CDC42BPA: variants seen among roughly 807,000 people sequenced by gnomAD.
The protein encoded by CDC42BPA is CDC42 binding protein kinase alpha, also known as serine/threonine-protein kinase MRCK alpha.
CDC42BPA carries 80 observed loss-of-function variants against 223.5 expected under a neutral mutation model. The ratio of observed to expected loss-of-function variants is 0.36; its 90% CI spans 0.30 to 0.43. The LOEUF is 0.43. CDC42BPA is among the 20% of genes least tolerant of loss of function. The pLI is 1.00. For missense variants in CDC42BPA, 1,743 were observed against 2,099.9 expected, an observed-to-expected ratio of 0.83 and a Z score of 3.32; for synonymous variants, 694 against 718.6, an observed-to-expected ratio of 0.97 and a Z score of 0.55.
intron 12 of CDC42BPA, among the ~76,000 whole-genome samples, chr1:227,119,074 T>C (rs970167476): frequency 2.0e-5 from 3 of 152,136 alleles, no homozygotes; most frequent in Non-Finnish European, 2.9e-5. Context: ...GTGCATTATA[T>C]TAATATATTA....
chr1:227,088,344 T>C (rs1682383326), intron 16 of CDC42BPA, among the ~76,000 whole-genome samples: 1 of 152,194 alleles, frequency 6.6e-6, no homozygotes, highest in Admixed American at 6.5e-5. Flanking sequence ...AAATGAGGTT[T>C]TACTATTTGT....
chr1:227,288,136 T>A (rs775565653), intron 1 of CDC42BPA, among the ~76,000 whole-genome samples: 13 of 152,164 alleles, frequency 8.5e-5, no homozygotes, highest in Non-Finnish European at 1.8e-4. Flanking sequence ...ATGGGGATGG[T>A]CTGTGGGATC....
chr1:227,092,515 T>C (rs563134936), intron 15 of CDC42BPA, among the ~76,000 whole-genome samples: 7 of 152,178 alleles, frequency 4.6e-5, no homozygotes, highest in Non-Finnish European at 1.0e-4. Flanking sequence ...GCAAATTAGT[T>C]TGAGACCAAA....
intron 11 of CDC42BPA, among the ~76,000 whole-genome samples, chr1:227,124,241 G>C (rs1190616615): frequency 6.6e-6 from 1 of 151,984 alleles, no homozygotes; most frequent in Admixed American, 6.6e-5. Flanking sequence ...TAAAACTGTC[G>C]CATTTTTTTC....
At chr1:227,283,767 A>T (rs1227126000) in intron 1 of CDC42BPA, among the ~76,000 whole-genome samples, 1 of 152,154 alleles carries the variant, frequency 6.6e-6, no homozygotes, top group Non-Finnish European at 1.5e-5. Context: ...TTGCATCTAA[A>T]TTTTTTGTTA....
At chr1:227,133,869 T>G (rs1218931879) in intron 10 of CDC42BPA, among the ~76,000 whole-genome samples, 1 of 151,990 alleles carries the variant, frequency 6.6e-6, no homozygotes, top group Admixed American at 6.6e-5. Context: ...CAGAGACCTT[T>G]GTTCACTTGT....
intron 1 of CDC42BPA, among the ~76,000 whole-genome samples, chr1:227,312,894 G>A (rs551944345): frequency 4.6e-5 from 7 of 152,204 alleles, no homozygotes; most frequent in South Asian, 2.1e-4. Context: ...CATGCAGGAC[G>A]GGGTCGGCTT....
At chr1:227,036,778 C>G (rs1558342713) in intron 24 of CDC42BPA, among the ~76,000 whole-genome samples, 1 of 152,114 alleles carries the variant, frequency 6.6e-6, no homozygotes, top group Non-Finnish European at 1.5e-5. Context: ...ATTTGTTTTA[C>G]TTACAAGCAA....
intron 1 of CDC42BPA, among the ~76,000 whole-genome samples, chr1:227,276,351 G>A (rs528728377): frequency 6.7e-5 from 10 of 149,480 alleles, no homozygotes; most frequent in African/African-American, 1.5e-4. Flanking sequence ...CTGCCCGGCC[G>A]CCCCGTCTGA....
chr1:227,306,500 C>T (rs929758528), intron 1 of CDC42BPA, among the ~76,000 whole-genome samples: 2 of 152,170 alleles, frequency 1.3e-5, no homozygotes, highest in Non-Finnish European at 2.9e-5. Context: ...AAACTGTCAA[C>T]TTAGCATGTA....
chr1:227,005,437 T>G (rs571813370), intron 34 of CDC42BPA, among the ~76,000 whole-genome samples: 1 of 152,338 alleles, frequency 6.6e-6, no homozygotes, highest in African/African-American at 2.4e-5. Flanking sequence ...ACATGGACAT[T>G]TGCCGATAAC....
intron 10 of CDC42BPA, among the ~76,000 whole-genome samples, chr1:227,132,886 T>A (rs1657518536): frequency 1.4e-5 from 2 of 146,922 alleles, no homozygotes; most frequent in South Asian, 4.4e-4. Flanking sequence ...GAGGAGACCC[T>A]CTGCCTGGCA....
intron 35 of CDC42BPA, among the ~76,000 whole-genome samples, chr1:226,997,336 ATTC>A (rs900371665): frequency 1.3e-5 from 2 of 150,036 alleles, no homozygotes; most frequent in African/African-American, 4.9e-5. Flanking sequence ...TGTCTATTTG[ATTC>A]TTCTCTCTTT....
intron 35 of CDC42BPA, among the ~76,000 whole-genome samples, chr1:227,000,208 TTCCCCTAACACTCCA>T (rs1228030322): frequency 6.6e-6 from 1 of 151,994 alleles, no homozygotes; most frequent in Non-Finnish European, 1.5e-5. Context: ...GGAGACACGT[TTCCCCTAACACTCCA>T]TCCCCACCAC....
chr1:227,238,422 C>T (rs936476654), intron 2 of CDC42BPA, among the ~76,000 whole-genome samples: 1 of 151,940 alleles, frequency 6.6e-6, no homozygotes, highest in African/African-American at 2.4e-5. Flanking sequence ...AAATCTGGTC[C>T]ATTACCTGTT....
chr1:227,285,744 G>A (rs1003376599), intron 1 of CDC42BPA, among the ~76,000 whole-genome samples: 15 of 152,116 alleles, frequency 9.9e-5, no homozygotes, highest in South Asian at 4.1e-4. Flanking sequence ...TCTGTCTCAC[G>A]CTAGTGTAAA....
At chr1:227,053,266 AG>A (rs1673904022) in intron 21 of CDC42BPA, among the ~76,000 whole-genome samples, 1 of 152,224 alleles carries the variant, frequency 6.6e-6, no homozygotes, top group Non-Finnish European at 1.5e-5. Flanking sequence ...AGAATAGGCT[AG>A]CAGGCTGGGA....
At chr1:227,033,262 T>C in intron 27 of CDC42BPA, 72 bp downstream of exon 27, 1 of 925,962 alleles carries the variant, frequency 1.1e-6, no homozygotes, top group South Asian at 1.5e-5. Context: ...AATTTATGAT[T>C]TATATAGGGA....
intron 2 of CDC42BPA, among the ~76,000 whole-genome samples, chr1:227,229,852 T>G (rs1677504690): frequency 6.6e-6 from 1 of 152,232 alleles, no homozygotes; most frequent in South Asian, 2.1e-4. Flanking sequence ...CATGTCCTTT[T>G]TCTGCTAGGT....
Sources: allele counts gnomAD v4.1 joint callset (sites outside exome capture counted in the v4.1 genomes callset), GRCh38; gene constraint gnomAD v4.1.1; transcripts MANE v1.5; gene names NCBI Gene and HGNC (gene_info 2026-07-23, HGNC 2026-07-21).